The following SLC44A5 variants were observed in gnomAD, a reference collection of about 807,000 sequenced individuals.
SLC44A5 encodes the protein choline transporter-like protein 5.
SLC44A5 carries 57 observed loss-of-function variants against 101.8 expected under a neutral mutation model. That is an observed-to-expected ratio of 0.56 (90% confidence interval 0.45 to 0.70). The LOEUF is 0.70. SLC44A5 is among the 30% of genes least tolerant of loss of function. The pLI is 0.00. For missense variants in SLC44A5, 737 were observed against 853.1 expected (o/e 0.86, Z 1.70); for synonymous variants, 281 against 290.9 (o/e 0.97, Z 0.35).
intron 3 of SLC44A5, among the ~76,000 whole-genome samples, chr1:75,344,525 T>C (rs1374638479): frequency 2.6e-5 from 4 of 152,090 alleles, no homozygotes; most frequent in Admixed American, 2.6e-4. Flanking sequence ...GTGAGCCCAA[T>C]GTGATCACAA....
At chr1:75,247,942 A>G (rs1649255692) in intron 7 of SLC44A5, among the ~76,000 whole-genome samples, 1 of 152,072 alleles carries the variant, frequency 6.6e-6, no homozygotes. Flanking sequence ...AGGCACAGAG[A>G]TATGGACCAG....
At chr1:75,586,253 T>C (rs895004510) in intron 1 of SLC44A5, among the ~76,000 whole-genome samples, 2 of 152,072 alleles carry the variant, frequency 1.3e-5, no homozygotes, top group African/African-American at 4.8e-5. Context: ...ATTTAGACTG[T>C]AACTATACCA....
chr1:75,235,726 A>G (rs1648015646), intron 11 of SLC44A5, among the ~76,000 whole-genome samples: 1 of 152,080 alleles, frequency 6.6e-6, no homozygotes, highest in African/African-American at 2.4e-5. Flanking sequence ...AGTTACATGC[A>G]TCTATCTTGC....
chr1:75,447,160 G>T (rs575551361), intron 2 of SLC44A5, among the ~76,000 whole-genome samples: 3 of 152,282 alleles, frequency 2.0e-5, no homozygotes, highest in East Asian at 3.9e-4. Flanking sequence ...AACAGGAACA[G>T]CTGCCCTAAT....
At chr1:75,291,435 A>C (rs1436233861) in intron 5 of SLC44A5, among the ~76,000 whole-genome samples, 1 of 152,148 alleles carries the variant, frequency 6.6e-6, no homozygotes, top group African/African-American at 2.4e-5. Flanking sequence ...GTCTGTTGGG[A>C]GAAATAGATT....
intron 2 of SLC44A5, among the ~76,000 whole-genome samples, chr1:75,408,720 C>G (rs1663073543): frequency 1.4e-5 from 2 of 147,832 alleles, no homozygotes; most frequent in Non-Finnish European, 3.0e-5. Context: ...GGCTGGGGGG[C>G]TAGGGGAGGG....
chr1:75,678,072 C>T, the SLC44A5 span, among the ~76,000 whole-genome samples: 1 of 152,206 alleles, frequency 6.6e-6, no homozygotes, highest in Non-Finnish European at 1.5e-5. Flanking sequence ...GAAAACGGCG[C>T]ACCACGAGAT....
At chr1:75,559,473 T>C (rs946037737) in intron 1 of SLC44A5, among the ~76,000 whole-genome samples, 26 of 152,188 alleles carry the variant, frequency 1.7e-4, no homozygotes, top group African/African-American at 5.5e-4. Flanking sequence ...TAATATCGGA[T>C]AGTTCACTTG....
At chr1:75,483,614 GTT>G (rs200360715) in intron 2 of SLC44A5, among the ~76,000 whole-genome samples, 3,202 of 152,044 alleles carry the variant, frequency 0.021, 123 homozygotes, top group African/African-American at 0.073. Context: ...TTAAATATTT[GTT>G]TACAATTTGT....
chr1:75,550,000 T>C (rs1355629717), intron 1 of SLC44A5, among the ~76,000 whole-genome samples: 1 of 152,084 alleles, frequency 6.6e-6, no homozygotes, highest in Admixed American at 6.6e-5. Context: ...TTAATTAAAA[T>C]ATAATTGTAA....
intron 4 of SLC44A5, among the ~76,000 whole-genome samples, chr1:75,319,212 A>G (rs1209085609): frequency 1.3e-5 from 2 of 152,152 alleles, no homozygotes; most frequent in Non-Finnish European, 2.9e-5. Context: ...AGAAAAGTAC[A>G]ATCTTTCCTT....
Position 75,332,902 on chromosome 1 carries a change from G to A in SLC44A5, c.101+6680C>T, listed in dbSNP as rs1403688956. Among the ~76,000 whole-genome samples the A allele has an allele frequency of 3.9e-5, 6 of 152,264 alleles. No homozygotes were observed. In the East Asian group the frequency reaches 9.6e-4, roughly 24 times the overall value. On this transcript the variant is annotated intron_variant, in intron 4 of 23. Coordinates refer to ENST00000370859, the MANE Select transcript of SLC44A5 (RefSeq NM_001130058.2). ...TATCAAGTAGACATCTCAAATCATT[G>A]TGACAACACTGTGCTGTCTTCTAAA...
intron 9 of SLC44A5, among the ~76,000 whole-genome samples, chr1:75,239,881 A>G (rs1360398635): frequency 6.6e-6 from 1 of 152,086 alleles, no homozygotes; most frequent in Non-Finnish European, 1.5e-5. Flanking sequence ...CGAGCCTTTG[A>G]CATGGTAGAT....
chr1:75,449,267 T>C (rs1368961410), intron 2 of SLC44A5, among the ~76,000 whole-genome samples: 3 of 152,234 alleles, frequency 2.0e-5, no homozygotes, highest in African/African-American at 7.2e-5. Context: ...TCTTGCCACA[T>C]TGGTTGTGTT....
the SLC44A5 span, among the ~76,000 whole-genome samples, chr1:75,618,846 G>A: frequency 6.6e-6 from 1 of 152,076 alleles, no homozygotes; most frequent in African/African-American, 2.4e-5. Flanking sequence ...GAGATGGGTG[G>A]ACCACCTGTG....
the SLC44A5 span, among the ~76,000 whole-genome samples, chr1:75,634,855 A>C: frequency 6.6e-6 from 1 of 152,188 alleles, no homozygotes; most frequent in East Asian, 1.9e-4. Flanking sequence ...AGAAACTACC[A>C]TCAGAGTGAA....
chr1:75,499,066 A>G (rs1338777317), intron 2 of SLC44A5, among the ~76,000 whole-genome samples: 1 of 152,240 alleles, frequency 6.6e-6, no homozygotes, highest in Non-Finnish European at 1.5e-5. Context: ...TCAAAACAGT[A>G]GCATGCTGTG....
At chr1:75,269,011 T>C (rs930028911) in intron 6 of SLC44A5, among the ~76,000 whole-genome samples, 6 of 152,146 alleles carry the variant, frequency 3.9e-5, no homozygotes, top group African/African-American at 9.6e-5. Flanking sequence ...ATATGTTTGA[T>C]AAATATTTTA....
At chr1:75,357,742 G>C (rs967103899) in intron 3 of SLC44A5, among the ~76,000 whole-genome samples, 2 of 152,122 alleles carry the variant, frequency 1.3e-5, no homozygotes, top group Admixed American at 1.3e-4. Flanking sequence ...ACCATGAGGA[G>C]AGAAATGGAT....
Sources: gnomAD v4.1 joint callset for allele counts (sites outside exome capture counted in the v4.1 genomes callset) on GRCh38, gnomAD v4.1.1 for gene constraint, MANE v1.5 for transcripts, NCBI Gene and HGNC (gene_info 2026-07-23, HGNC 2026-07-21) for gene names.